The following GPC6 variants were observed in gnomAD, a reference collection of about 807,000 sequenced individuals.
GPC6 encodes glypican-6.
In GPC6, 14 loss-of-function variants were observed where a neutral mutation model predicts 55.2. That is an observed-to-expected ratio of 0.25 (90% CI 0.17 to 0.40). The LOEUF is 0.40. Ranked by LOEUF, GPC6 falls within the 10% of genes least tolerant of loss-of-function variation. The probability of loss-of-function intolerance (pLI) is 1.00; values close to 1 mark genes in which losing one functional copy is unlikely to be tolerated. For missense variants in GPC6, 641 were observed against 708.5 expected, an observed-to-expected ratio of 0.90 and a Z score of 1.08; for synonymous variants, 278 against 259.6, an observed-to-expected ratio of 1.07 and a Z score of -0.68.
At chr13:93,686,387 CAA>C (rs1410352158) in intron 2 of GPC6, among the ~76,000 whole-genome samples, 2 of 152,048 alleles carry the variant, frequency 1.3e-5, no homozygotes, top group Non-Finnish European at 2.9e-5. Flanking sequence ...CTCATCTTGA[CAA>C]TATCCTTTGG....
intron 1 of GPC6, among the ~76,000 whole-genome samples, chr13:93,322,904 A>G (rs1286832503): frequency 6.6e-6 from 1 of 151,882 alleles, no homozygotes; most frequent in East Asian, 1.9e-4. Context: ...CCCGTCATCT[A>G]CATTAGGTAT....
chr13:93,901,890 G>C (rs545054417), intron 3 of GPC6, among the ~76,000 whole-genome samples: 6 of 129,858 alleles, frequency 4.6e-5, no homozygotes, highest in Non-Finnish European at 9.6e-5. Context: ...CACAGAGTGA[G>C]ATTCCATTAA....
intron 4 of GPC6, among the ~76,000 whole-genome samples, chr13:94,270,640 A>T (rs940763681): frequency 2.6e-5 from 4 of 152,244 alleles, no homozygotes; most frequent in Non-Finnish European, 5.9e-5. Context: ...ACATACAAAG[A>T]AAACATTTGA....
At chr13:94,044,153 A>G (rs757701514) in intron 4 of GPC6, among the ~76,000 whole-genome samples, 1 of 150,754 alleles carries the variant, frequency 6.6e-6, no homozygotes, top group Non-Finnish European at 1.5e-5. Context: ...TTTGCCACCC[A>G]CTCTTTGCAG....
chr13:93,825,152 A>G (rs1406003376), intron 2 of GPC6, among the ~76,000 whole-genome samples: 1 of 152,180 alleles, frequency 6.6e-6, no homozygotes, highest in Admixed American at 6.5e-5. Flanking sequence ...GGGGTAAGGA[A>G]GGGAGTGAGA....
In GPC6 at chr13:94,406,523, T is replaced by A. The variant is rs1881374959; in HGVS notation, c.*3306T>A. 1 of 152,194 alleles carries A rather than the reference T, an allele frequency of 6.6e-6. No individual in the cohort carries two copies. The highest frequency in any genetic ancestry group is 2.1e-4 in the South Asian group (1 of 4,832). The allele number at this position is 152,194 out of a possible 1,614,324, so 9.4% of individuals were successfully genotyped here. A position where few individuals can be genotyped will look rare whatever the true frequency, so the allele number is the denominator to read the frequency against. On this transcript the variant is annotated 3_prime_UTR_variant, in exon 9 of 9. Coordinates refer to ENST00000377047, the MANE Select transcript of GPC6 (RefSeq NM_005708.5). ...TATCACCTGCTTTAAATGTAAGGGA[T>A]AGAAAATACTATTTTGTCTACACTG...
intron 1 of GPC6, among the ~76,000 whole-genome samples, chr13:93,411,644 G>A (rs1179624892): frequency 6.6e-6 from 1 of 152,080 alleles, no homozygotes; most frequent in Non-Finnish European, 1.5e-5. Context: ...AAAGACAACA[G>A]CTCTATCTTC....
intron 1 of GPC6, among the ~76,000 whole-genome samples, chr13:93,434,709 AGTTTTTGTTT>A (rs1398862862): frequency 6.6e-6 from 1 of 152,036 alleles, no homozygotes; most frequent in African/African-American, 2.4e-5. Flanking sequence ...TCTGATTTTT[AGTTTTTGTTT>A]GTTTTTGAGA....
chr13:93,900,689 CAGA>C (rs1417647173), intron 3 of GPC6, among the ~76,000 whole-genome samples: 1 of 152,002 alleles, frequency 6.6e-6, no homozygotes, highest in Non-Finnish European at 1.5e-5. Context: ...ATTTTGTTAA[CAGA>C]AGGTTTCTTT....
At chr13:93,901,471 C>A (rs896357883) in intron 3 of GPC6, among the ~76,000 whole-genome samples, 3 of 151,980 alleles carry the variant, frequency 2.0e-5, no homozygotes, top group Non-Finnish European at 2.9e-5. Context: ...AAAAGACTCC[C>A]GTTTAAAAAA....
chr13:93,752,546 G>A (rs949568325), intron 2 of GPC6, among the ~76,000 whole-genome samples: 3 of 152,064 alleles, frequency 2.0e-5, no homozygotes, highest in Non-Finnish European at 2.9e-5. Flanking sequence ...CTATTGAATA[G>A]CTCAGGAAAA....
At chr13:93,966,950 C>T (rs913931735) in intron 3 of GPC6, among the ~76,000 whole-genome samples, 8 of 152,144 alleles carry the variant, frequency 5.3e-5, no homozygotes, top group East Asian at 3.9e-4. Context: ...CCACTGCACC[C>T]GACATGTTTC....
chr13:93,829,517 G>A (rs1887400706), intron 2 of GPC6, among the ~76,000 whole-genome samples: 1 of 152,092 alleles, frequency 6.6e-6, no homozygotes, highest in Non-Finnish European at 1.5e-5. Flanking sequence ...GTTTATATTT[G>A]TAATGATAAT....
chr13:93,479,581 C>T (rs765223234), intron 1 of GPC6, among the ~76,000 whole-genome samples: 16 of 148,744 alleles, frequency 1.1e-4, no homozygotes, highest in Non-Finnish European at 1.8e-4. Flanking sequence ...GTCAGGAGTT[C>T]GAGACCAGCC....
At chr13:93,384,547 C>G (rs1365977401) in intron 1 of GPC6, among the ~76,000 whole-genome samples, 1 of 151,998 alleles carries the variant, frequency 6.6e-6, no homozygotes, top group Non-Finnish European at 1.5e-5. Context: ...ATTTGCCTTC[C>G]TATACAAAGA....
At position 94,077,686 on chromosome 13, in the gene GPC6, T is replaced by C. The variant is rs141065921; in HGVS notation, c.877+49792T>C. Reference sequence around the variant, plus strand: ...GAGCATTTTTCATTATAAAAGGGCATTAAATTTTGTCAAATGCCTTTTCTG... The same window carrying C: ...GAGCATTTTTCATTATAAAAGGGCACTAAATTTTGTCAAATGCCTTTTCTG... On this transcript the variant is annotated intron_variant, in intron 4 of 8. Coordinates refer to ENST00000377047, the MANE Select transcript of GPC6 (RefSeq NM_005708.5). 1.4e-3 allele frequency among the ~76,000 whole-genome samples: 216 copies of C among 152,010 alleles called. 1 individual carries two copies. The highest frequency in any genetic ancestry group is 0.014 in the Middle Eastern group (4 of 294).
intron 1 of GPC6, among the ~76,000 whole-genome samples, chr13:93,288,329 G>T (rs1390798022): frequency 6.6e-6 from 1 of 152,114 alleles, no homozygotes; most frequent in Non-Finnish European, 1.5e-5. Flanking sequence ...GCTCTCAGTA[G>T]TGTTCTATAT....
chr13:94,218,284 G>T lies in GPC6; in HGVS notation c.878-68065G>T, dbSNP rs765283162. 2.6e-5 allele frequency among the ~76,000 whole-genome samples: 4 copies of T among 152,282 alleles called. 1 individual carries two copies. Among genetic ancestry groups the T allele is most frequent in the Middle Eastern group, 6.8e-3 (2 of 294 alleles). The stretch of plus-strand genomic sequence containing the variant: ...AGCTGCAAGATAATTTAAAAGATGG[G>T]TAGTTGGTTCTGCTCCTTTACTTCA... On this transcript the variant is annotated intron_variant, in intron 4 of 8. Coordinates refer to ENST00000377047, the MANE Select transcript of GPC6 (RefSeq NM_005708.5).
intron 7 of GPC6, among the ~76,000 whole-genome samples, chr13:94,394,094 G>T (rs989348133): frequency 1.3e-5 from 2 of 152,136 alleles, no homozygotes; most frequent in Non-Finnish European, 2.9e-5. Context: ...TACCCTAATC[G>T]GTTCTAATGT....
Sources: allele counts gnomAD v4.1 joint callset (sites outside exome capture counted in the v4.1 genomes callset), GRCh38; gene constraint gnomAD v4.1.1; transcripts MANE v1.5; gene names NCBI Gene and HGNC (gene_info 2026-07-23, HGNC 2026-07-21).